Variants in PALM2AKAP2 observed in about 807,000 individuals in gnomAD.
The protein encoded by PALM2AKAP2 is PALM2 and AKAP2 fusion, also known as PALM2-AKAP2 fusion protein.
Under a neutral mutation model 71.5 loss-of-function variants are expected in PALM2AKAP2, and 37 were observed. That is an observed-to-expected ratio of 0.52 (90% CI 0.40 to 0.68). The LOEUF (loss-of-function observed/expected upper bound fraction) is 0.68, where lower values mean the gene tolerates loss of function less well. Among genes scored for constraint, PALM2AKAP2 ranks in the 30% least tolerant of loss-of-function variants. PALM2AKAP2 has a pLI of 0.00. For synonymous variants in PALM2AKAP2, 468 were observed against 478.8 expected (o/e 0.98, Z 0.29); for missense variants, 1,224 against 1,191.8 (o/e 1.03, Z -0.40).
chr9:109,901,579 C>T (rs1276056456), intron 3 of PALM2AKAP2, among the ~76,000 whole-genome samples: 1 of 152,196 alleles, frequency 6.6e-6, no homozygotes, highest in Non-Finnish European at 1.5e-5. Context: ...AGATTGGAAA[C>T]AGCTCACAGG....
chr9:110,111,509 A>G (rs1835251629), intron 1 of PALM2AKAP2, among the ~76,000 whole-genome samples: 1 of 152,228 alleles, frequency 6.6e-6, no homozygotes, highest in Non-Finnish European at 1.5e-5. Context: ...GGACTTGACT[A>G]AGTTGGGAGC....
chr9:109,880,486 A>G, intron 2 of PALM2AKAP2, 65 bp from the exon 3 acceptor site: 1 of 1,585,326 alleles, frequency 6.3e-7, no homozygotes, highest in Non-Finnish European at 8.6e-7. Flanking sequence ...GCACCACTGC[A>G]GAGGGAGAGG....
Position 109,729,340 on chromosome 9 carries a change from C to T in PALM2AKAP2, c.6-51148C>T, listed in dbSNP as rs139365918. Among the ~76,000 whole-genome samples, 31 of 152,202 alleles carry T rather than the reference C, an allele frequency of 2.0e-4. 1 individual carries two copies. In the South Asian group the frequency reaches 5.4e-3, roughly 27 times the overall value. On this transcript the variant is annotated intron_variant, in intron 1 of 6. Transcript: ENST00000374531. ...TACACAATTTTCTAACATTTAAAAC[C>T]GCTGATTAATTCTCTGAAAACATAA...
At chr9:109,772,685 G>C (rs1279779545) in intron 1 of PALM2AKAP2, among the ~76,000 whole-genome samples, 1 of 152,244 alleles carries the variant, frequency 6.6e-6, no homozygotes, top group Non-Finnish European at 1.5e-5. Context: ...GAGTGAATGA[G>C]AGCCCCAGGT....
chr9:110,161,855 A>G (rs1269555795), intron 3 of PALM2AKAP2, among the ~76,000 whole-genome samples: 1 of 152,062 alleles, frequency 6.6e-6, no homozygotes, highest in African/African-American at 2.4e-5. Flanking sequence ...TTGAATTAAC[A>G]AAGTACGGCT....
At chr9:109,812,121 C>A (rs58881975) in intron 1 of PALM2AKAP2, among the ~76,000 whole-genome samples, 9,782 of 152,254 alleles carry the variant, frequency 0.064, 852 homozygotes, top group African/African-American at 0.2. Context: ...CAGAAACTGC[C>A]AACAGGGAGA....
Position 110,041,842 on chromosome 9 carries a change from A to G in PALM2AKAP2, c.582+25803A>G, listed in dbSNP as rs151173011. Among the ~76,000 whole-genome samples, 209 of 152,352 alleles carry G rather than the reference A, an allele frequency of 1.4e-3. 1 individual carries two copies. Among genetic ancestry groups the G allele is most frequent in the African/African-American group, 4.9e-3 (204 of 41,580 alleles). On this transcript the variant is annotated intron_variant, in intron 7 of 9. Transcript: ENST00000302798. ...CAGGCTGTCACAGAATCAGATGGAA[A>G]GCTTAAGCAAACACAGATTCCTGTG... is the stretch of plus-strand genomic sequence containing the variant.
In PALM2AKAP2 at chr9:109,957,943, G is replaced by C. The variant is rs143077351; in HGVS notation, c.496+25915G>C. 3.2e-3 allele frequency among the ~76,000 whole-genome samples: 480 copies of C among 152,278 alleles called. 1 individual carries two copies. Among genetic ancestry groups the C allele is most frequent in the East Asian group, 0.011 (55 of 5,194 alleles). On this transcript the variant is annotated intron_variant, in intron 6 of 9. Coordinates refer to the PALM2AKAP2 transcript ENST00000302798. ...CAATTCTGCAAGCCAAGAAAAACGG[G>C]CTTTGGATTCAGGAACAAAGCAAAG... is the stretch of plus-strand genomic sequence containing the variant.
intron 1 of PALM2AKAP2, among the ~76,000 whole-genome samples, chr9:109,844,370 C>T (rs1290495340): frequency 1.3e-5 from 2 of 152,100 alleles, no homozygotes; most frequent in African/African-American, 4.8e-5. Flanking sequence ...AATGGAAATA[C>T]CCCAAATGCA....
At chr9:110,034,532 C>G (rs1324726569) in intron 7 of PALM2AKAP2, among the ~76,000 whole-genome samples, 1 of 151,616 alleles carries the variant, frequency 6.6e-6, no homozygotes, top group Non-Finnish European at 1.5e-5. Flanking sequence ...TTCACATCCA[C>G]AGCATAGAAA....
chr9:109,983,072 AG>A (rs1384444097), intron 6 of PALM2AKAP2, among the ~76,000 whole-genome samples: 1 of 152,188 alleles, frequency 6.6e-6, no homozygotes, highest in African/African-American at 2.4e-5. Flanking sequence ...CTACTTCAAA[AG>A]TTTCCCCTAA....
intron 1 of PALM2AKAP2, among the ~76,000 whole-genome samples, chr9:109,770,386 G>A (rs1829240869): frequency 6.6e-6 from 1 of 152,112 alleles, no homozygotes; most frequent in Non-Finnish European, 1.5e-5. Flanking sequence ...GCTCTGAGAA[G>A]GAGTCTATAG....
rs1440639253 is a variant in PALM2AKAP2 at position 109,856,174 on chromosome 9, AGTTCTGCTGGTAG to A, written c.46-11316_46-11304del. ...TATGTGTTCAAATCCTTGACTTAGCAGTTCTGCTGGTAGAAATCCACCCTATGTATGGAATCAC... is the reference window on the plus strand; with the variant it reads ...TATGTGTTCAAATCCTTGACTTAGCAAAATCCACCCTATGTATGGAATCAC... On this transcript the variant is annotated intron_variant, in intron 1 of 9. Coordinates refer to the PALM2AKAP2 transcript ENST00000302798. 7.2e-4 allele frequency among the ~76,000 whole-genome samples: 109 copies of A among 152,346 alleles called. 1 individual carries two copies. Among genetic ancestry groups the A allele is most frequent in the African/African-American group, 2.6e-3 (109 of 41,578 alleles).
intron 7 of PALM2AKAP2, among the ~76,000 whole-genome samples, chr9:110,018,912 G>A (rs955128177): frequency 4.0e-5 from 6 of 151,808 alleles, no homozygotes; most frequent in Admixed American, 6.6e-5. Flanking sequence ...GCTCCACTTC[G>A]TTAATCAGAG....
chr9:109,841,029 A>C (rs2131583097), intron 1 of PALM2AKAP2, among the ~76,000 whole-genome samples: 1 of 152,338 alleles, frequency 6.6e-6, no homozygotes, highest in South Asian at 2.1e-4. Context: ...ATATACCCAA[A>C]GGATTATAAA....
rs934286151 is a variant in PALM2AKAP2 at position 109,976,693 on chromosome 9, C to T, written c.497-39261C>T. On this transcript the variant is annotated intron_variant, in intron 6 of 9. Transcript: ENST00000302798. ...TAACCAACATTTATTGAGTGCTTAC[C>T]CTATGTGCTAGGTACTGAACTAAGT... Among the ~76,000 whole-genome samples, 5 of 152,084 alleles carry T rather than the reference C, an allele frequency of 3.3e-5. No homozygotes were observed. In the East Asian group the frequency reaches 5.8e-4, roughly 18 times the overall value.
In PALM2AKAP2 at chr9:110,141,655, G is replaced by A. The variant is rs1588133480; in HGVS notation, c.2569+3116G>A. Among the ~76,000 whole-genome samples the A allele has an allele frequency of 2.6e-5, 4 of 152,182 alleles. No individual in the cohort carries two copies. The South Asian group carries it at 8.3e-4, about 32-fold the overall frequency. On this transcript the variant is annotated intron_variant, in intron 2 of 3. Coordinates refer to ENST00000374525, the Ensembl canonical transcript of PALM2AKAP2. ...GGCTTCAGTGGTTTTGTGAATGGAG[G>A]TGTTACCAAGTTCCTGCGGCACATT... is the stretch of plus-strand genomic sequence containing the variant.
At chr9:109,707,783 CCA>C (rs937686658) in intron 1 of PALM2AKAP2, among the ~76,000 whole-genome samples, 1 of 152,172 alleles carries the variant, frequency 6.6e-6, no homozygotes, top group African/African-American at 2.4e-5. Flanking sequence ...AATTTTCACC[CCA>C]GTCTCCAGGA....
intron 6 of PALM2AKAP2, chr9:109,942,643 T>C: frequency 6.6e-7 from 1 of 1,515,762 alleles, no homozygotes; most frequent in Non-Finnish European, 8.8e-7. Context: ...CACTGGCTTT[T>C]TTTGTTGTAA....
Sources: allele counts gnomAD v4.1 joint callset (sites outside exome capture counted in the v4.1 genomes callset), GRCh38; gene constraint gnomAD v4.1.1; transcripts MANE v1.5; gene names NCBI Gene and HGNC (gene_info 2026-07-23, HGNC 2026-07-21).